Variants in PPP1R12B observed in about 807,000 individuals in gnomAD.
The protein encoded by PPP1R12B is myosin phosphatase target subunit 2.
PPP1R12B carries 76 observed loss-of-function variants against 126.1 expected under a neutral mutation model. The observed-to-expected ratio is 0.60, with a 90% CI of 0.50 to 0.73. PPP1R12B has a LOEUF of 0.73. Ranked by LOEUF, PPP1R12B falls within the 30% of genes least tolerant of loss-of-function variation. The pLI is 0.00. For synonymous variants in PPP1R12B, 356 were observed against 434.7 expected (o/e 0.82, Z 2.25); for missense variants, 1,052 against 1,205.1 (o/e 0.87, Z 1.88).
rs1558411973 is a variant in PPP1R12B, at chr1:202,588,585, T to C, written c.*8025T>C. 6.6e-6 allele frequency: 1 copy of C among 152,534 alleles called. No individual in the cohort carries two copies. Among genetic ancestry groups the C allele is most frequent in the Non-Finnish European group, 1.5e-5 (1 of 68,014 alleles). The allele number at this position is 152,534 out of a possible 1,614,324, so 9.4% of individuals were successfully genotyped here. A position where few individuals can be genotyped will look rare whatever the true frequency, so the allele number is the denominator to read the frequency against. On this transcript the variant is annotated 3_prime_UTR_variant, in exon 24 of 24. Transcript: ENST00000608999. ...TTTAACTTTGTGACTGTCTCCACAG[T>C]TCAGAGCATGGGATTTCTAGAATCT... is the stretch of plus-strand genomic sequence containing the variant.
chr1:202,508,934 A>G lies in PPP1R12B; in HGVS notation c.2490+12112A>G, dbSNP rs972434737. ...GTAAATATTTTCCACTTTACTGGCC[A>G]CGTAATCTGTTGCAATGACTGAACT... On this transcript the variant is annotated intron_variant, in intron 18 of 23. Coordinates refer to ENST00000608999, the MANE Select transcript of PPP1R12B (RefSeq NM_002481.4). The surrounding 1 kb of genome is among the most constrained non-coding windows in gnomAD (Gnocchi z 4.5). Among the ~76,000 whole-genome samples, 20 of 152,230 alleles carry G rather than the reference A, an allele frequency of 1.3e-4. No homozygotes were observed. Among genetic ancestry groups the G allele is most frequent in the African/African-American group, 4.3e-4 (18 of 41,464 alleles).
chr1:202,562,731 A>G (rs1228981117), intron 19 of PPP1R12B, 47 bp from the exon 20 acceptor site: 3 of 1,563,840 alleles, frequency 1.9e-6, no homozygotes, highest in African/African-American at 2.7e-5. Flanking sequence ...TCTCCCCACT[A>G]CTTTGTTCTC....
At chr1:202,408,903 T>C (rs1215553273) in intron 1 of PPP1R12B, among the ~76,000 whole-genome samples, 1 of 149,792 alleles carries the variant, frequency 6.7e-6, no homozygotes, top group African/African-American at 2.5e-5. Context: ...TGGACTACAG[T>C]CTCTGCTCAC....
chr1:202,475,422 C>CT (rs1349011495), intron 13 of PPP1R12B, among the ~76,000 whole-genome samples: 1 of 152,098 alleles, frequency 6.6e-6, no homozygotes, highest in African/African-American at 2.4e-5. Context: ...TCAGGGGATG[C>CT]TAGGAGAAGT....
At chr1:202,488,718 G>C in intron 14 of PPP1R12B, 95 bp downstream of exon 14, 2 of 1,100,630 alleles carry the variant, frequency 1.8e-6, no homozygotes, top group Non-Finnish European at 2.7e-6. Flanking sequence ...TTCAACTGCT[G>C]ATTTAAACAC....
rs541901398 is a variant in PPP1R12B at position 202,461,754 on chromosome 1, C to T, written c.1850+12583C>T. On this transcript the variant is annotated intron_variant, in intron 13 of 23. Coordinates refer to ENST00000608999, the MANE Select transcript of PPP1R12B (RefSeq NM_002481.4). Reference sequence around the variant, plus strand: ...TTCTGCAGCCCTAAGGGAAAATCTCCATTGTGGTGACAAAGTAAGTGGCAG... The same window carrying T: ...TTCTGCAGCCCTAAGGGAAAATCTCTATTGTGGTGACAAAGTAAGTGGCAG... 3.9e-5 allele frequency among the ~76,000 whole-genome samples: 6 copies of T among 152,212 alleles called. No individual in the cohort carries two copies. The South Asian group carries it at 1.2e-3, about 32-fold the overall frequency.
chr1:202,371,964 C>T (rs1475487932), intron 1 of PPP1R12B, among the ~76,000 whole-genome samples: 1 of 149,738 alleles, frequency 6.7e-6, no homozygotes, highest in Non-Finnish European at 1.5e-5. Context: ...CTCTGCCTCC[C>T]AGGTTCAAGT....
At chr1:202,391,109 G>T (rs1161197086) in intron 1 of PPP1R12B, among the ~76,000 whole-genome samples, 2 of 151,940 alleles carry the variant, frequency 1.3e-5, no homozygotes, top group Non-Finnish European at 2.9e-5. Flanking sequence ...AGAGATATTT[G>T]CAAATTATAT....
At chr1:202,418,472 CT>C (rs3835589) in intron 2 of PPP1R12B, among the ~76,000 whole-genome samples, 65,144 of 148,046 alleles carry the variant, frequency 0.44, 15,259 homozygotes, top group East Asian at 0.7. Flanking sequence ...ATTATAATTG[CT>C]TTTTTTTTTT....
intron 13 of PPP1R12B, among the ~76,000 whole-genome samples, chr1:202,459,884 T>C (rs1674102126): frequency 6.6e-6 from 1 of 152,188 alleles, no homozygotes; most frequent in African/African-American, 2.4e-5. Flanking sequence ...GTGAGAACTA[T>C]AGAAACCAAC....
rs368013166 is a variant in PPP1R12B at position 202,580,930 on chromosome 1, A to G, written c.*370A>G. On this transcript the variant is annotated 3_prime_UTR_variant, in exon 24 of 24. Coordinates refer to ENST00000608999, the MANE Select transcript of PPP1R12B (RefSeq NM_002481.4). ...ATGTAAGACTTCTACCCTAATCAGTATCCTTCAGCTTTTTACATTAACCCA... is the reference window on the plus strand; with the variant it reads ...ATGTAAGACTTCTACCCTAATCAGTGTCCTTCAGCTTTTTACATTAACCCA... 8.5e-5 allele frequency: 17 copies of G among 199,934 alleles called. No homozygotes were observed. The highest frequency in any genetic ancestry group is 3.9e-4 in the African/African-American group (17 of 43,972). The allele number at this position is 199,934 out of a possible 1,614,324, so 12.4% of individuals were successfully genotyped here.
chr1:202,448,757 A>G (rs1041928453), intron 12 of PPP1R12B, among the ~76,000 whole-genome samples: 8 of 152,220 alleles, frequency 5.3e-5, no homozygotes, highest in Admixed American at 3.3e-4. Flanking sequence ...TCAGGCACAC[A>G]CATACACATA....
intron 18 of PPP1R12B, among the ~76,000 whole-genome samples, chr1:202,544,205 T>TA (rs1183689377): frequency 6.6e-6 from 1 of 151,942 alleles, no homozygotes; most frequent in Non-Finnish European, 1.5e-5. Context: ...TTTCCAACAT[T>TA]AAAAAAAATT....
chr1:202,348,780 G>T lies in PPP1R12B; in HGVS notation c.-72G>T. 1 of 1,506,766 alleles carries T rather than the reference G, an allele frequency of 6.6e-7. No homozygotes were observed. The highest frequency in any genetic ancestry group is 2.4e-5 in the Admixed American group (1 of 41,616). 93.3% of individuals were successfully genotyped at this position (1,506,766 alleles called of 1,614,324 possible). On this transcript the variant is annotated 5_prime_UTR_variant, in exon 1 of 24. Coordinates refer to ENST00000608999, the MANE Select transcript of PPP1R12B (RefSeq NM_002481.4). ...CGGGCTGAAGCGCTCTGAGAGAGGCGGCAGCGGCAACTCGAGCCCCAACAG... is the reference window on the plus strand; with the variant it reads ...CGGGCTGAAGCGCTCTGAGAGAGGCTGCAGCGGCAACTCGAGCCCCAACAG...
rs1025477877 is a variant in PPP1R12B at position 202,451,949 on chromosome 1, C to T, written c.1850+2778C>T. Among the ~76,000 whole-genome samples the T allele has an allele frequency of 2.3e-4, 35 of 151,436 alleles. No individual in the cohort carries two copies. In the East Asian group the frequency reaches 4.1e-3, roughly 18 times the overall value. On this transcript the variant is annotated intron_variant, in intron 13 of 23. Coordinates refer to ENST00000608999, the MANE Select transcript of PPP1R12B (RefSeq NM_002481.4). ...GTGGAGGGGCTCCTCACTTCTCAGACGGGGCGGCTGCTGGGCGGAGGGGCT... is the reference window on the plus strand; with the variant it reads ...GTGGAGGGGCTCCTCACTTCTCAGATGGGGCGGCTGCTGGGCGGAGGGGCT...
At chr1:202,360,157 T>G (rs981342781) in intron 1 of PPP1R12B, among the ~76,000 whole-genome samples, 2 of 152,174 alleles carry the variant, frequency 1.3e-5, no homozygotes, top group African/African-American at 4.8e-5. Context: ...AATTAGAGAT[T>G]AGGTCTGATT....
In PPP1R12B at chr1:202,591,681, C is replaced by T. The variant is rs1048818348; in HGVS notation, c.*11121C>T. 2 of 152,414 alleles carry T rather than the reference C, an allele frequency of 1.3e-5. No homozygotes were observed. Among genetic ancestry groups the T allele is most frequent in the African/African-American group, 4.8e-5 (2 of 41,256 alleles). The allele number at this position is 152,414 out of a possible 1,614,324, so 9.4% of individuals were successfully genotyped here. On this transcript the variant is annotated 3_prime_UTR_variant, in exon 24 of 24. Transcript: ENST00000608999. ...GATGCACGAGGGAAGAGCGTCAGCC[C>T]CTGTATTCACCGGCCTCTCCCTGAG...
chr1:202,555,112 A>G (rs1004754474), intron 18 of PPP1R12B, among the ~76,000 whole-genome samples: 4 of 151,688 alleles, frequency 2.6e-5, no homozygotes, highest in African/African-American at 9.7e-5. Flanking sequence ...TTTTATGTCA[A>G]CCTCCTCAGT....
chr1:202,441,418 T>G (rs1671604927), intron 11 of PPP1R12B, among the ~76,000 whole-genome samples: 1 of 152,140 alleles, frequency 6.6e-6, no homozygotes, highest in Non-Finnish European at 1.5e-5. Flanking sequence ...TGACTTGCCC[T>G]CCCAAAGTGC....
Sources: allele counts gnomAD v4.1 joint callset (sites outside exome capture counted in the v4.1 genomes callset), GRCh38; gene constraint gnomAD v4.1.1; non-coding constraint Gnocchi (gnomAD v3.1); transcripts MANE v1.5; gene names NCBI Gene and HGNC (gene_info 2026-07-23, HGNC 2026-07-21).